Variants in NAAA observed in about 807,000 individuals in gnomAD.
The protein encoded by NAAA is N-acylethanolamine-hydrolyzing acid amidase.
A neutral mutation model predicts 44.8 loss-of-function variants in NAAA; 39 were observed. The observed-to-expected ratio is 0.87, with a 90% confidence interval of 0.67 to 1.14. The LOEUF is 1.14. NAAA is among the 50% of genes most tolerant of loss of function. The pLI is 0.00. For missense variants in NAAA, 460 were observed against 467.8 expected (o/e 0.98, Z 0.15); for synonymous variants, 178 against 191.3 (o/e 0.93, Z 0.58).
At chr4:75,927,760 T>C (rs1373234897) in intron 4 of NAAA, among the ~76,000 whole-genome samples, 1 of 150,238 alleles carries the variant, frequency 6.7e-6, no homozygotes, top group Admixed American at 6.7e-5. Context: ...TATGAATGTG[T>C]GATTTGAGAC....
At chr4:75,940,721 C>A (rs1191879028) in intron 1 of NAAA, 23 bp downstream of exon 1, 2 of 1,586,600 alleles carry the variant, frequency 1.3e-6, no homozygotes, top group African/African-American at 1.4e-5. Flanking sequence ...TCCCCGCAGA[C>A]CCCGTCCAGG....
At chr4:75,938,594 T>C (rs1727935851) in intron 2 of NAAA, among the ~76,000 whole-genome samples, 1 of 152,118 alleles carries the variant, frequency 6.6e-6, no homozygotes, top group Non-Finnish European at 1.5e-5. Flanking sequence ...TCTGGGAAAA[T>C]GCCTGGGCCA....
rs1728225987 is a variant in NAAA at position 75,940,882 on chromosome 4, G to T, written c.68C>A (p.Ala23Asp). 1 of 1,557,750 alleles carries T rather than the reference G, an allele frequency of 6.4e-7. No homozygotes were observed. The highest frequency in any genetic ancestry group is 2.5e-5 in the East Asian group (1 of 40,734). The change falls in exon 1 of 11, where the codon GCC becomes GAC. Residue 23 changes from alanine to aspartate, a missense_variant. Physicochemically the swap from Ala to Asp is moderately radical, Grantham distance 126. Transcript: ENST00000286733. The part of the protein sequence containing the change: ...PSLLLLLLAG[A>D]GLSAASPPAA... ...TGGGGGCGAGGCGGCTGACAGCCCG[G>T]CCCCGGCCAGCAGCAGCAGCAGCAG...
chr4:75,918,291 A>T (rs1725815912), intron 9 of NAAA, among the ~76,000 whole-genome samples: 4 of 152,076 alleles, frequency 2.6e-5, no homozygotes, highest in South Asian at 4.1e-4. Context: ...GTCCCTACTT[A>T]AAAAATACAA....
intron 3 of NAAA, among the ~76,000 whole-genome samples, chr4:75,934,052 GTAATAA>G (rs66466020): frequency 0.19 from 27,104 of 141,726 alleles, 3,066 homozygotes; most frequent in East Asian, 0.33. Flanking sequence ...AATAGTAGTA[GTAATAA>G]TAATAATAAT....
chr4:75,920,898 TA>T (rs558370867), intron 6 of NAAA, 52 bp downstream of exon 6: 41 of 1,611,374 alleles, frequency 2.5e-5, no homozygotes, highest in Non-Finnish European at 3.1e-5. Context: ...TTTCACCGAT[TA>T]AAAAAAATGA....
At position 75,914,126 on chromosome 4, in the gene NAAA, AGAG is replaced by A; in HGVS notation, c.*246_*248del. The A allele has an allele frequency of 5.1e-6, 5 of 985,718 alleles. No individual in the cohort carries two copies. Among genetic ancestry groups the A allele is most frequent in the Non-Finnish European group, 6.0e-6 (5 of 829,962 alleles). 61.1% of individuals were successfully genotyped at this position (985,718 alleles called of 1,614,324 possible). A position where few individuals can be genotyped will look rare whatever the true frequency, so the allele number is the denominator to read the frequency against. On this transcript the variant is annotated 3_prime_UTR_variant, in exon 11 of 11. Transcript: ENST00000286733. ...TATTCAGGCCAGGATAGAAGCTTAG[AGAG>A]GATCGAGGCAAACCATGAAGGGAAG...
intron 4 of NAAA, 73 bp from the exon 5 acceptor site, chr4:75,925,884 A>G (rs1726639572): frequency 1.8e-5 from 25 of 1,426,596 alleles, no homozygotes; most frequent in Non-Finnish European, 2.4e-5. Flanking sequence ...ATGTTATTTT[A>G]GCAAGGAAAT....
At chr4:75,914,740 A>G in intron 10 of NAAA, 128 bp downstream of exon 10, 1 of 612,300 alleles carries the variant, frequency 1.6e-6, no homozygotes, top group African/African-American at 1.8e-5. Flanking sequence ...ATCTGACACA[A>G]ATGACAATGC....
intron 1 of NAAA, 181 bp from the exon 2 acceptor site, chr4:75,940,346 G>T: frequency 3.2e-6 from 2 of 628,090 alleles, no homozygotes; most frequent in Non-Finnish European, 5.4e-6. Flanking sequence ...GTGGGGGGAA[G>T]GGGGCGGGGG....
intron 5 of NAAA, 64 bp downstream of exon 5, chr4:75,925,671 T>C (rs957282895): frequency 2.7e-6 from 4 of 1,481,758 alleles, no homozygotes; most frequent in African/African-American, 2.8e-5. Context: ...CATTGTTAAA[T>C]GACACAGAAC....
chr4:75,925,251 G>A (rs1726560626), intron 5 of NAAA, among the ~76,000 whole-genome samples: 2 of 151,972 alleles, frequency 1.3e-5, no homozygotes, highest in African/African-American at 4.8e-5. Flanking sequence ...TAGCCAGGAT[G>A]GTCTCAATCT....
intron 9 of NAAA, 51 bp from the exon 10 acceptor site, chr4:75,915,036 A>T: frequency 7.4e-7 from 1 of 1,346,990 alleles, no homozygotes; most frequent in South Asian, 1.2e-5. Flanking sequence ...CTAATATGCC[A>T]GAAAGGGAAG....
intron 2 of NAAA, chr4:75,939,738 G>C: frequency 2.2e-6 from 1 of 448,988 alleles, no homozygotes; most frequent in East Asian, 4.1e-5. Context: ...TTAAAAGTAC[G>C]CTACCTGGAT....
Position 75,925,808 on chromosome 4 carries a change from T to G in NAAA, c.593A>C (p.Lys198Thr). The G allele has an allele frequency of 6.2e-7, 1 of 1,614,168 alleles. No individual in the cohort carries two copies. ...GATAGCATTCTCCCACCACCAGCCTTTATCTGCCAAGTTGAGTATATATGT... is the reference window on the plus strand; with the variant it reads ...GATAGCATTCTCCCACCACCAGCCTGTATCTGCCAAGTTGAGTATATATGT... ...KFTVSGDERD[K>T]GWWWENAIAA... The change falls in exon 5 of 11, where the codon AAA becomes ACA. Residue 198 changes from lysine to threonine, a missense_variant. Physicochemically the swap from Lys to Thr is moderately conservative, Grantham distance 78 (BLOSUM62 -1). Coordinates refer to ENST00000286733, the MANE Select transcript of NAAA (RefSeq NM_014435.4).
chr4:75,934,502 T>C (rs1008674939), intron 3 of NAAA, among the ~76,000 whole-genome samples: 11 of 131,088 alleles, frequency 8.4e-5, no homozygotes, highest in African/African-American at 3.2e-4. Flanking sequence ...TTTTTTTTTG[T>C]AGTTTTAGTA....
intron 9 of NAAA, among the ~76,000 whole-genome samples, chr4:75,915,592 G>A (rs1030272681): frequency 1.3e-5 from 2 of 152,174 alleles, no homozygotes; most frequent in African/African-American, 4.8e-5. Flanking sequence ...CCCTGGAAGT[G>A]GAGGTGGGGC....
intron 1 of NAAA, 178 bp from the exon 2 acceptor site, chr4:75,940,343 G>A (rs962818308): frequency 7.9e-6 from 4 of 505,834 alleles, no homozygotes; most frequent in African/African-American, 3.9e-5. Flanking sequence ...GGAGTGGGGG[G>A]AAGGGGGCGG....
intron 4 of NAAA, among the ~76,000 whole-genome samples, chr4:75,929,039 G>A (rs1206806901): frequency 2.0e-5 from 3 of 151,540 alleles, no homozygotes; most frequent in East Asian, 1.9e-4. Flanking sequence ...TGATCCACCC[G>A]CCTCGGCCTC....
Sources: allele counts gnomAD v4.1 joint callset (sites outside exome capture counted in the v4.1 genomes callset), GRCh38; gene constraint gnomAD v4.1.1; transcripts MANE v1.5; gene names NCBI Gene and HGNC (gene_info 2026-07-23, HGNC 2026-07-21).